DHX8: variants seen among roughly 807,000 people sequenced by gnomAD.
DHX8 encodes the protein DEAH-box helicase 8.
DHX8 carries 67 observed loss-of-function variants against 140.7 expected under a neutral mutation model. That is an observed-to-expected ratio of 0.48 (90% CI 0.39 to 0.58). The LOEUF (loss-of-function observed/expected upper bound fraction) is 0.58, where lower values mean the gene tolerates loss of function less well. DHX8 is among the 20% of genes least tolerant of loss of function. The probability of loss-of-function intolerance (pLI) is 0.00; values close to 1 mark genes in which losing one functional copy is unlikely to be tolerated. For synonymous variants in DHX8, 533 were observed against 553.2 expected, an observed-to-expected ratio of 0.96 and a Z score of 0.51; for missense variants, 887 against 1,550.7, an observed-to-expected ratio of 0.57 and a Z score of 7.19.
chr17:43,508,887 G>A (rs1176467627), intron 16 of DHX8, among the ~76,000 whole-genome samples: 1 of 152,042 alleles, frequency 6.6e-6, no homozygotes, highest in African/African-American at 2.4e-5. Context: ...CCAAAGTGCT[G>A]GGATTATAGG....
At chr17:43,499,934 G>GT (rs748776244) in intron 10 of DHX8, 22 bp from the exon 11 acceptor site, 6 of 1,612,244 alleles carry the variant, frequency 3.7e-6, no homozygotes, top group Non-Finnish European at 5.1e-6. Context: ...AATCCATGTT[G>GT]TTTTTTCTTC....
At chr17:43,528,419 G>T, downstream of DHX8, 1 of 796,616 alleles carries the variant, frequency 1.3e-6, no homozygotes, top group South Asian at 1.8e-5. Context: ...CTGCCCCAGA[G>T]ACATCTGTGG....
intron 11 of DHX8, among the ~76,000 whole-genome samples, chr17:43,504,323 A>G (rs946162669): frequency 6.6e-6 from 1 of 151,942 alleles, no homozygotes; most frequent in African/African-American, 2.4e-5. Context: ...GCACCACTGC[A>G]CTCCCACTTG....
chr17:43,530,548 C>A (rs1178718565), downstream of DHX8: 5 of 714,140 alleles, frequency 7.0e-6, no homozygotes, highest in Non-Finnish European at 7.9e-6. Flanking sequence ...GCCTAAGACT[C>A]CCTCAGAATG....
intron 3 of DHX8, among the ~76,000 whole-genome samples, chr17:43,538,910 G>GTACC (rs1971383676): frequency 6.6e-6 from 1 of 152,086 alleles, no homozygotes; most frequent in Non-Finnish European, 1.5e-5. Flanking sequence ...CTGGTGAGGG[G>GTACC]TATGAGATGG....
In DHX8 at chr17:43,513,394, G is replaced by C. The variant is rs150512730; in HGVS notation, c.2535G>C (p.Ser845=). Residue 845 remains serine, a synonymous_variant, in exon 17 of 23, where the codon TCG becomes TCC. Coordinates refer to ENST00000262415, the MANE Select transcript of DHX8 (RefSeq NM_004941.3). ...TTGCCACCAATATCGCAGAGACATC[G>C]CTGACTATTGATGGTATCTACTATG... ...VVIATNIAET[S]LTIDGIYYVV... The C allele has an allele frequency of 1.2e-6, 2 of 1,613,152 alleles. No homozygotes were observed. Among genetic ancestry groups the C allele is most frequent in the Non-Finnish European group, 1.7e-6 (2 of 1,179,638 alleles).
At chr17:43,488,261 G>C (rs1176154371) in intron 1 of DHX8, among the ~76,000 whole-genome samples, 2 of 151,150 alleles carry the variant, frequency 1.3e-5, no homozygotes, top group Non-Finnish European at 2.9e-5. Context: ...CTGGGCGACA[G>C]AGCGAGACTC....
intron 3 of DHX8, among the ~76,000 whole-genome samples, chr17:43,538,408 G>A (rs928446683): frequency 1.3e-5 from 2 of 152,182 alleles, no homozygotes; most frequent in Non-Finnish European, 2.9e-5. Flanking sequence ...TGAGTACATA[G>A]GTGCCTCATC....
chr17:43,531,440 T>A (rs1970931393), downstream of DHX8, among the ~76,000 whole-genome samples: 1 of 152,146 alleles, frequency 6.6e-6, no homozygotes. Flanking sequence ...TGCCCTTGCC[T>A]CTGGCCAGGG....
chr17:43,516,696 A>G (rs1970130775), intron 17 of DHX8, among the ~76,000 whole-genome samples: 1 of 152,126 alleles, frequency 6.6e-6, no homozygotes, highest in African/African-American at 2.4e-5. Flanking sequence ...CAATCTGCCC[A>G]CCTTGGCCTC....
intron 17 of DHX8, among the ~76,000 whole-genome samples, chr17:43,514,133 A>G (rs1247540065): frequency 6.6e-6 from 1 of 152,134 alleles, no homozygotes; most frequent in Non-Finnish European, 1.5e-5. Flanking sequence ...CTTGAGGCCA[A>G]GAGTTCTAAA....
intron 17 of DHX8, among the ~76,000 whole-genome samples, chr17:43,513,709 C>CTTTTTTTTTTT (rs34829204): frequency 8.5e-5 from 9 of 105,966 alleles, no homozygotes; most frequent in African/African-American, 1.1e-4. Flanking sequence ...AGTTTTTAAT[C>CTTTTTTTTTTT]TTTTTTTTTT....
chr17:43,515,007 G>A (rs913915791), intron 17 of DHX8, among the ~76,000 whole-genome samples: 1 of 152,104 alleles, frequency 6.6e-6, no homozygotes, highest in Admixed American at 6.6e-5. Context: ...TTGAAAGCAT[G>A]TAGTCTAAAT....
chr17:43,493,968 C>A, intron 8 of DHX8, 82 bp downstream of exon 8: 2 of 1,441,016 alleles, frequency 1.4e-6, no homozygotes, highest in Non-Finnish European at 1.9e-6. Flanking sequence ...AGCACGATGG[C>A]CTGGGATAAC....
intron 4 of DHX8, 140 bp from the exon 5 acceptor site, chr17:43,492,043 C>G (rs1323586398): frequency 1.6e-6 from 1 of 634,512 alleles, no homozygotes; most frequent in Non-Finnish European, 2.8e-6. Context: ...TCTTCTGCAT[C>G]TATCCTGAAT....
At chr17:43,542,667 C>G (rs9912927) in intron 3 of DHX8, among the ~76,000 whole-genome samples, 38,324 of 151,986 alleles carry the variant, frequency 0.25, 5,533 homozygotes, top group East Asian at 0.32. Context: ...AAGCCGCACT[C>G]ACACTCACCC....
chr17:43,538,295 G>T (rs962231522), intron 3 of DHX8, among the ~76,000 whole-genome samples: 1 of 152,164 alleles, frequency 6.6e-6, no homozygotes, highest in African/African-American at 2.4e-5. Flanking sequence ...GACAGAGCAA[G>T]ACTCCATCTC....
At chr17:43,531,271 G>A (rs1414363060), downstream of DHX8, among the ~76,000 whole-genome samples, 1 of 152,226 alleles carries the variant, frequency 6.6e-6, no homozygotes, top group African/African-American at 2.4e-5. Context: ...AAGCCAGGAG[G>A]AAAGAAGAAA....
intron 18 of DHX8, 113 bp from the exon 19 acceptor site, chr17:43,520,017 G>A (rs1426686238): frequency 5.8e-6 from 7 of 1,202,266 alleles, no homozygotes; most frequent in Non-Finnish European, 8.4e-6. Context: ...CTCACCGGTG[G>A]CTTCCTAATT....
Sources: allele counts gnomAD v4.1 joint callset (sites outside exome capture counted in the v4.1 genomes callset), GRCh38; gene constraint gnomAD v4.1.1; transcripts MANE v1.5; gene names NCBI Gene and HGNC (gene_info 2026-07-23, HGNC 2026-07-21).